CCNK: variants seen among roughly 807,000 people sequenced by gnomAD.
CCNK encodes cyclin-K.
Under a neutral mutation model 65.0 loss-of-function variants are expected in CCNK, and 9 were observed. The ratio of observed to expected loss-of-function variants is 0.14; its 90% CI spans 0.08 to 0.24. The LOEUF (loss-of-function observed/expected upper bound fraction) is 0.24. CCNK is among the 10% of genes least tolerant of loss of function. CCNK has a pLI of 1.00. For synonymous variants in CCNK, 279 were observed against 270.8 expected, an observed-to-expected ratio of 1.03 and a Z score of -0.30; for missense variants, 474 against 720.0, an observed-to-expected ratio of 0.66 and a Z score of 3.91.
At chr14:99,500,347 C>T (rs1896793940) in intron 4 of CCNK, 1 of 194,200 alleles carries the variant, frequency 5.1e-6, no homozygotes, top group African/African-American at 2.4e-5. Flanking sequence ...ATGAGGCTGG[C>T]TATCATAAAC....
intron 1 of CCNK, 79 bp from the exon 2 acceptor site, chr14:99,492,547 A>C (rs995446868): frequency 1.7e-5 from 13 of 764,188 alleles, no homozygotes; most frequent in Non-Finnish European, 1.4e-5. Context: ...AGTGATCCCA[A>C]ACCAGGTACA....
intron 1 of CCNK, among the ~76,000 whole-genome samples, chr14:99,483,252 G>A (rs764004728): frequency 6.6e-6 from 1 of 152,128 alleles, no homozygotes; most frequent in Non-Finnish European, 1.5e-5. Flanking sequence ...GCTTCAGTGA[G>A]AAAAGGCCAG....
At chr14:99,507,602 A>G (rs888271837) in intron 10 of CCNK, 4 of 163,152 alleles carry the variant, frequency 2.5e-5, no homozygotes, top group African/African-American at 4.8e-5. Flanking sequence ...AGAATGTTGT[A>G]AATTGTTAAG....
chr14:99,505,142 A>G (rs1896942812), intron 9 of CCNK: 1 of 152,358 alleles, frequency 6.6e-6, no homozygotes, highest in Non-Finnish European at 1.5e-5. Context: ...TAGCAGGGGA[A>G]TGGCAGAGTC....
At chr14:99,486,096 C>G (rs2139848473) in intron 1 of CCNK, among the ~76,000 whole-genome samples, 1 of 152,294 alleles carries the variant, frequency 6.6e-6, no homozygotes, top group African/African-American at 2.4e-5. Flanking sequence ...TTCAGTGTCT[C>G]TAATAAACAA....
rs1468444980 is a variant in CCNK at position 99,502,291 on chromosome 14, T to G, written c.660T>G (p.Phe220Leu). The G allele has an allele frequency of 6.2e-7, 1 of 1,612,600 alleles. No individual in the cohort carries two copies. Among genetic ancestry groups the G allele is most frequent in the Admixed American group, 1.7e-5 (1 of 59,868 alleles). Reference protein sequence around the residue: ...VMYLAGRLCKFEIQEWTSKPM... With the variant: ...VMYLAGRLCKLEIQEWTSKPM... ...ATCTCGCAGGACGTTTGTGCAAATT[T>G]GAAATACAAGAATGGACCTCCAAAC... Residue 220 changes from phenylalanine (F) to leucine (L), a missense_variant, in exon 7 of 11, where the codon TTT becomes TTG. Phe to Leu is a conservative substitution (Grantham distance 22, BLOSUM62 0). Coordinates refer to ENST00000389879, the MANE Select transcript of CCNK (RefSeq NM_001099402.2).
In CCNK at chr14:99,511,382, A is replaced by G. The variant is rs1173439499; in HGVS notation, c.*600A>G. On this transcript the variant is annotated 3_prime_UTR_variant, in exon 11 of 11. Coordinates refer to ENST00000389879, the MANE Select transcript of CCNK (RefSeq NM_001099402.2). ...TGTACTTGGAAATTAATGTATGTTT[A>G]CATCTCTTTGCAAATTCCTGTACAT... 6.6e-6 allele frequency: 1 copy of G among 152,328 alleles called. No homozygotes were observed. The highest frequency in any genetic ancestry group is 1.5e-5 in the Non-Finnish European group (1 of 68,026). The allele number at this position is 152,328 out of a possible 1,614,324, so 9.4% of individuals were successfully genotyped here.
At chr14:99,491,058 C>G (rs1313383620) in intron 1 of CCNK, among the ~76,000 whole-genome samples, 1 of 152,062 alleles carries the variant, frequency 6.6e-6, no homozygotes, top group Non-Finnish European at 1.5e-5. Context: ...CGATGTTTCT[C>G]ATTCTTTTTA....
chr14:99,510,989 G>C lies in CCNK; in HGVS notation c.*207G>C. ...CAGCTTTCAGAGTAGCCTCATCAGT[G>C]CCCTTGCAGTCTGACTGTGTACACT... On this transcript the variant is annotated 3_prime_UTR_variant, in exon 11 of 11. Transcript: ENST00000389879. 1 of 400,916 alleles carries C rather than the reference G, an allele frequency of 2.5e-6. No homozygotes were observed. Among genetic ancestry groups the C allele is most frequent in the Non-Finnish European group, 4.4e-6 (1 of 229,678 alleles). The allele number at this position is 400,916 out of a possible 1,614,324, so 24.8% of individuals were successfully genotyped here. A position where few individuals can be genotyped will look rare whatever the true frequency, so the allele number is the denominator to read the frequency against.
At chr14:99,507,222 C>A in intron 10 of CCNK, 75 bp downstream of exon 10, 1 of 914,658 alleles carries the variant, frequency 1.1e-6, no homozygotes, top group Non-Finnish European at 1.8e-6. Flanking sequence ...GTCCTGGGAA[C>A]TTAGAAAAGG....
chr14:99,504,162 CAGAA>C (rs1225695954), intron 9 of CCNK: 5 of 264,704 alleles, frequency 1.9e-5, no homozygotes. Context: ...TGGAAATAAA[CAGAA>C]GGAGTGAGCA....
At chr14:99,482,562 G>C (rs1896372264) in intron 1 of CCNK, among the ~76,000 whole-genome samples, 1 of 152,156 alleles carries the variant, frequency 6.6e-6, no homozygotes, top group African/African-American at 2.4e-5. Context: ...GTCTTATTCA[G>C]AGTGACCACC....
At chr14:99,510,135 C>T in intron 10 of CCNK, 22 bp from the exon 11 acceptor site, 1 of 1,584,304 alleles carries the variant, frequency 6.3e-7, no homozygotes, top group Non-Finnish European at 8.5e-7. Flanking sequence ...AGGCCGGGCA[C>T]TGATGCGTCT....
intron 10 of CCNK, 88 bp from the exon 11 acceptor site, chr14:99,510,069 T>C: frequency 7.4e-7 from 1 of 1,353,264 alleles, no homozygotes; most frequent in East Asian, 2.5e-5. Flanking sequence ...CCTGCTCCTC[T>C]GTAAAGATGG....
In CCNK at chr14:99,500,806, T is replaced by G; in HGVS notation, c.452T>G (p.Ile151Ser). The change falls in exon 5 of 11, where the codon ATC becomes AGC. Residue 151 changes from isoleucine (I) to serine (S), a missense_variant. By Grantham distance (142) the Ile-to-Ser change is moderately radical. Around this residue, in one of 6 missense-constraint regions of CCNK, gnomAD observed 67 missense variants for 150.2 expected, o/e 0.45. Coordinates refer to ENST00000389879, the MANE Select transcript of CCNK (RefSeq NM_001099402.2). ...MVLERILLQT[I>S]KFDLQVEHPY... Reference sequence around the variant, plus strand: ...CTGGAGAGAATCTTACTGCAGACCATCAAGTTTGATTTACAGGTAGAACAT... The same window carrying G: ...CTGGAGAGAATCTTACTGCAGACCAGCAAGTTTGATTTACAGGTAGAACAT... 6.4e-7 allele frequency: 1 copy of G among 1,567,974 alleles called. No homozygotes were observed.
intron 4 of CCNK, among the ~76,000 whole-genome samples, chr14:99,496,830 T>C (rs1896711349): frequency 6.6e-6 from 1 of 151,712 alleles, no homozygotes; most frequent in Non-Finnish European, 1.5e-5. Context: ...GGAGAATTGC[T>C]TAAGCCTGGG....
At chr14:99,496,134 C>T (rs1371143812) in intron 4 of CCNK, among the ~76,000 whole-genome samples, 2 of 152,164 alleles carry the variant, frequency 1.3e-5, no homozygotes, top group Non-Finnish European at 2.9e-5. Flanking sequence ...CCATACAGCT[C>T]ACGCCAGTGT....
chr14:99,483,683 G>T (rs976774858), intron 1 of CCNK, among the ~76,000 whole-genome samples: 3 of 152,238 alleles, frequency 2.0e-5, no homozygotes, highest in Non-Finnish European at 2.9e-5. Flanking sequence ...TTCTAATACT[G>T]TGTGTAGACA....
chr14:99,483,892 T>G (rs1410618866), intron 1 of CCNK, among the ~76,000 whole-genome samples: 1 of 152,240 alleles, frequency 6.6e-6, no homozygotes, highest in Non-Finnish European at 1.5e-5. Flanking sequence ...GCAGCGTGAT[T>G]CTCAAGTTAA....
Sources: allele counts gnomAD v4.1 joint callset (sites outside exome capture counted in the v4.1 genomes callset), GRCh38; gene constraint gnomAD v4.1.1; regional missense constraint gnomAD v4.1.1; transcripts MANE v1.5; gene names NCBI Gene and HGNC (gene_info 2026-07-23, HGNC 2026-07-21).